Variants in SLC37A1 observed in about 807,000 individuals in gnomAD.
SLC37A1 encodes glucose-6-phosphate exchanger SLC37A1.
In SLC37A1, 49 loss-of-function variants were observed where a neutral mutation model predicts 75.3. The observed-to-expected ratio is 0.65, with a 90% CI of 0.52 to 0.83. The LOEUF (loss-of-function observed/expected upper bound fraction) is 0.83, where lower values mean the gene tolerates loss of function less well. Among genes scored for constraint, SLC37A1 ranks in the 40% least tolerant of loss-of-function variants. The pLI is 0.00. For synonymous variants in SLC37A1, 268 were observed against 292.1 expected, an observed-to-expected ratio of 0.92 and a Z score of 0.84; for missense variants, 566 against 695.0, an observed-to-expected ratio of 0.81 and a Z score of 2.09.
chr21:42,553,425 T>A (rs1042327823), intron 9 of SLC37A1, among the ~76,000 whole-genome samples: 1 of 152,240 alleles, frequency 6.6e-6, no homozygotes, highest in Non-Finnish European at 1.5e-5. Flanking sequence ...TACCATTAAT[T>A]ATCTTCAAAA....
chr21:42,564,650 C>T, intron 13 of SLC37A1, 58 bp from the exon 14 acceptor site: 2 of 1,409,856 alleles, frequency 1.4e-6, no homozygotes, highest in Admixed American at 1.7e-5. Context: ...GTTCTGCTTC[C>T]TCCCCGTGGG....
chr21:42,574,962 T>C (rs1569047933), intron 18 of SLC37A1, 47 bp downstream of exon 18: 2 of 1,610,146 alleles, frequency 1.2e-6, no homozygotes, highest in South Asian at 2.2e-5. Flanking sequence ...TGCAGATCTC[T>C]GTGGTTGTGT....
chr21:42,547,148 C>G lies in SLC37A1; in HGVS notation c.768+8C>G, dbSNP rs765724406. The G allele has an allele frequency of 3.1e-6, 5 of 1,614,166 alleles. No individual in the cohort carries two copies. The highest frequency in any genetic ancestry group is 4.2e-6 in the Non-Finnish European group (5 of 1,180,002). ...TCCTCCACCCTGGTGACGGTAAGGACCCTGTTTTCTTGTCCTTTTCTAGAA... is the reference window on the plus strand; with the variant it reads ...TCCTCCACCCTGGTGACGGTAAGGAGCCTGTTTTCTTGTCCTTTTCTAGAA... On this transcript the variant is annotated splice_region_variant and intron_variant, in intron 9 of 19. Coordinates refer to ENST00000352133, the MANE Select transcript of SLC37A1 (RefSeq NM_001320537.2). The surrounding 1 kb of genome is among the most constrained non-coding windows in gnomAD (Gnocchi z 6.1).
In SLC37A1 at chr21:42,548,035, G is replaced by A. The variant is rs1041543059; in HGVS notation, c.768+895G>A. On this transcript the variant is annotated intron_variant, in intron 9 of 19. Coordinates refer to ENST00000352133, the MANE Select transcript of SLC37A1 (RefSeq NM_001320537.2). The surrounding 1 kb of genome is among the most constrained non-coding windows in gnomAD (Gnocchi z 5.6). Reference sequence around the variant, plus strand: ...GACCCAATGCTTCCCTCCCTCTGGGGGTCAGCTCTCTTCCCTCCCTCTGGG... The same window carrying A: ...GACCCAATGCTTCCCTCCCTCTGGGAGTCAGCTCTCTTCCCTCCCTCTGGG... 2.6e-5 allele frequency among the ~76,000 whole-genome samples: 4 copies of A among 152,066 alleles called. No homozygotes were observed. Among genetic ancestry groups the A allele is most frequent in the Non-Finnish European group, 4.4e-5 (3 of 68,008 alleles).
chr21:42,555,802 G>C (rs917666190), intron 10 of SLC37A1, among the ~76,000 whole-genome samples: 1 of 152,262 alleles, frequency 6.6e-6, no homozygotes, highest in Non-Finnish European at 1.5e-5. Flanking sequence ...CAAGGAGCCA[G>C]TTATGTAAGT....
At chr21:42,555,627 A>T (rs1476721916) in intron 10 of SLC37A1, among the ~76,000 whole-genome samples, 1 of 152,158 alleles carries the variant, frequency 6.6e-6, no homozygotes, top group African/African-American at 2.4e-5. Context: ...AAAGGCTGTC[A>T]CCCCTCTCTG....
rs1041543059 is a variant in SLC37A1, at chr21:42,548,035, G to C, written c.768+895G>C. ...GACCCAATGCTTCCCTCCCTCTGGG[G>C]GTCAGCTCTCTTCCCTCCCTCTGGG... On this transcript the variant is annotated intron_variant, in intron 9 of 19. Coordinates refer to ENST00000352133, the MANE Select transcript of SLC37A1 (RefSeq NM_001320537.2). This position sits in a 1 kb window ranked among gnomAD's most constrained non-coding sequence, Gnocchi z 5.6. 6.6e-6 allele frequency among the ~76,000 whole-genome samples: 1 copy of C among 152,066 alleles called. No individual in the cohort carries two copies. Among genetic ancestry groups the C allele is most frequent in the East Asian group, 1.9e-4 (1 of 5,178 alleles).
At chr21:42,551,379 C>T (rs2055552907) in intron 9 of SLC37A1, among the ~76,000 whole-genome samples, 1 of 152,144 alleles carries the variant, frequency 6.6e-6, no homozygotes, top group African/African-American at 2.4e-5. Context: ...TGATTTCATT[C>T]ATATGAAATG....
intron 18 of SLC37A1, among the ~76,000 whole-genome samples, chr21:42,579,242 G>A (rs935360412): frequency 5.3e-5 from 8 of 152,182 alleles, no homozygotes; most frequent in Non-Finnish European, 1.0e-4. Context: ...AGTGGGGTGC[G>A]GCTGTCCTGT....
At chr21:42,503,501 A>G (rs9985135) in intron 2 of SLC37A1, among the ~76,000 whole-genome samples, 6,457 of 152,024 alleles carry the variant, frequency 0.042, 462 homozygotes, top group African/African-American at 0.15. Flanking sequence ...CACTCACCTC[A>G]GCCTCCCAAA....
At chr21:42,520,813 C>T (rs2146724713) in intron 2 of SLC37A1, among the ~76,000 whole-genome samples, 1 of 152,186 alleles carries the variant, frequency 6.6e-6, no homozygotes, top group African/African-American at 2.4e-5. Context: ...AGGACTGGGG[C>T]AGGGCAAGGA....
At chr21:42,541,715 A>T (rs1355080968) in intron 6 of SLC37A1, among the ~76,000 whole-genome samples, 1 of 152,222 alleles carries the variant, frequency 6.6e-6, no homozygotes, top group Non-Finnish European at 1.5e-5. Context: ...CATAAAGAGA[A>T]GAAAGGTTTT....
At chr21:42,524,810 C>T (rs1329378045) in intron 2 of SLC37A1, among the ~76,000 whole-genome samples, 1 of 152,196 alleles carries the variant, frequency 6.6e-6, no homozygotes, top group Non-Finnish European at 1.5e-5. Context: ...TGGTTCTGGG[C>T]ACACAGCTCC....
At position 42,574,900 on chromosome 21, in the gene SLC37A1, T is replaced by A. The variant is rs1158087453; in HGVS notation, c.1506T>A (p.Asp502Glu). The A allele has an allele frequency of 6.2e-7, 1 of 1,614,188 alleles. No individual in the cohort carries two copies. The highest frequency in any genetic ancestry group is 8.5e-7 in the Non-Finnish European group (1 of 1,180,014). Residue 502 changes from aspartate to glutamate, a missense_variant, in exon 18 of 20, where the codon GAT (aspartate) becomes GAA (glutamate). Asp to Glu is a conservative substitution (Grantham distance 45). Coordinates refer to ENST00000352133, the MANE Select transcript of SLC37A1 (RefSeq NM_001320537.2). ...TGTTTTACATGCTGATGTTTGCAGA[T>A]GCCTGTGCCTTACTGGTAAGTCGGC... is the stretch of plus-strand genomic sequence containing the variant. ...SNVFYMLMFA[D>E]ACALLFLIRL...
intron 10 of SLC37A1, among the ~76,000 whole-genome samples, chr21:42,557,695 G>A (rs908359063): frequency 5.3e-5 from 8 of 152,322 alleles, no homozygotes; most frequent in South Asian, 2.1e-4. Flanking sequence ...CCTGCCACCC[G>A]GTTTCCAAAT....
At chr21:42,523,859 CG>C (rs2054713690) in intron 2 of SLC37A1, among the ~76,000 whole-genome samples, 1 of 151,506 alleles carries the variant, frequency 6.6e-6, no homozygotes, top group Admixed American at 6.6e-5. Context: ...TTGTGTCACA[CG>C]GAGCCACCAA....
intron 9 of SLC37A1, among the ~76,000 whole-genome samples, chr21:42,549,164 G>A (rs761598456): frequency 2.6e-5 from 4 of 152,100 alleles, no homozygotes; most frequent in Admixed American, 6.5e-5. Context: ...CTTGAGACTG[G>A]GGAGAACTTC....
At chr21:42,504,027 T>A (rs1250381579) in intron 2 of SLC37A1, among the ~76,000 whole-genome samples, 2 of 152,140 alleles carry the variant, frequency 1.3e-5, no homozygotes. Context: ...TAAAAGAGTT[T>A]CCCCACTGAA....
At chr21:42,539,762 G>A (rs532247028) in intron 6 of SLC37A1, 115 bp downstream of exon 6, 1 of 1,075,132 alleles carries the variant, frequency 9.3e-7, no homozygotes, top group Non-Finnish European at 1.3e-6. Flanking sequence ...AGTGCGTCCT[G>A]TCGGAAGTCA....
Sources: gnomAD v4.1 joint callset for allele counts (sites outside exome capture counted in the v4.1 genomes callset) on GRCh38, gnomAD v4.1.1 for gene constraint, Gnocchi (gnomAD v3.1) non-coding constraint, MANE v1.5 for transcripts, NCBI Gene and HGNC (gene_info 2026-07-23, HGNC 2026-07-21) for gene names.